Variants in STAU1 observed in about 807,000 individuals in gnomAD.
The protein encoded by STAU1 is double-stranded RNA-binding protein Staufen homolog 1.
A neutral mutation model predicts 62.9 loss-of-function variants in STAU1; 13 were observed. That is an observed-to-expected ratio of 0.21 (90% CI 0.13 to 0.33). The LOEUF (loss-of-function observed/expected upper bound fraction) is 0.33. Among genes scored for constraint, STAU1 ranks in the 10% least tolerant of loss-of-function variants. The pLI, the probability that STAU1 is intolerant of heterozygous loss-of-function variation, is 1.00. For missense variants in STAU1, 571 were observed against 712.1 expected (o/e 0.80, Z 2.25); for synonymous variants, 269 against 265.1 (o/e 1.01, Z -0.14).
At chr20:49,207,159 G>C in the STAU1 span, among the ~76,000 whole-genome samples, 1 of 151,988 alleles carries the variant, frequency 6.6e-6, no homozygotes. Context: ...CCAAGAATTT[G>C]AGGCTGCAGC....
At chr20:49,178,504 T>C (rs2093685911) in intron 1 of STAU1, among the ~76,000 whole-genome samples, 1 of 152,132 alleles carries the variant, frequency 6.6e-6, no homozygotes, top group South Asian at 2.1e-4. Flanking sequence ...ATCCCAACAC[T>C]TTGGGAGGCC....
the STAU1 span, among the ~76,000 whole-genome samples, chr20:49,196,457 AAAAG>A: frequency 3.0e-4 from 45 of 150,394 alleles, no homozygotes; most frequent in Middle Eastern, 3.4e-3. Context: ...AAAAAAAAAA[AAAAG>A]AAGAAGAAGA....
At position 49,121,669 on chromosome 20, in the gene STAU1, CAT is replaced by C. The variant is rs202125307; in HGVS notation, c.966+1421_966+1422del. Among the ~76,000 whole-genome samples, 1,114 of 152,258 alleles carry C rather than the reference CAT, an allele frequency of 7.3e-3. 44 individuals carry two copies. The highest frequency in any genetic ancestry group is 0.053 in the Admixed American group (812 of 15,296). On this transcript the variant is annotated intron_variant, in intron 8 of 13. Coordinates refer to ENST00000371856, the MANE Select transcript of STAU1 (RefSeq NM_017453.4). ...CTGTCAGTAAAATTTATAAAACACA[CAT>C]ATATGTCAGTATAATTTATAACACA... is the stretch of plus-strand genomic sequence containing the variant.
chr20:49,169,327 G>A (rs2093568112), intron 2 of STAU1, among the ~76,000 whole-genome samples: 1 of 152,000 alleles, frequency 6.6e-6, no homozygotes, highest in African/African-American at 2.4e-5. Flanking sequence ...GTGATGAATG[G>A]GGGAAAATAT....
At chr20:49,163,206 T>A (rs1483591706) in intron 3 of STAU1, among the ~76,000 whole-genome samples, 1 of 151,332 alleles carries the variant, frequency 6.6e-6, no homozygotes, top group East Asian at 1.9e-4. Context: ...AAAAAAAAAA[T>A]TGACACTGAC....
intron 5 of STAU1, among the ~76,000 whole-genome samples, chr20:49,139,675 G>A (rs572425238): frequency 6.6e-6 from 1 of 151,492 alleles, no homozygotes; most frequent in East Asian, 2.0e-4. Flanking sequence ...GCAGTGAGCT[G>A]AGATTATGCC....
At chr20:49,123,297 A>C in intron 7 of STAU1, 62 bp from the exon 8 acceptor site, 5 of 1,611,490 alleles carry the variant, frequency 3.1e-6, no homozygotes, top group Non-Finnish European at 4.2e-6. Context: ...TGGTCAACTC[A>C]GAGATCAGGA....
chr20:49,181,763 C>CAAAAAAAAAAAAAAAAAAAAAAAA (rs1309573018), intron 1 of STAU1, among the ~76,000 whole-genome samples: 2 of 66,702 alleles, frequency 3.0e-5, no homozygotes, highest in Non-Finnish European at 5.6e-5. Context: ...AAGACTATCT[C>CAAAAAAAAAAAAAAAAAAAAAAAA]AACAAAAAAA....
intron 4 of STAU1, among the ~76,000 whole-genome samples, chr20:49,152,504 TGTATTTTTA>T (rs1164901500): frequency 2.0e-5 from 3 of 151,736 alleles, no homozygotes; most frequent in Admixed American, 1.3e-4. Context: ...CCACCATGCC[TGTATTTTTA>T]GTATTTTTAG....
intron 1 of STAU1, among the ~76,000 whole-genome samples, chr20:49,175,835 T>C (rs1199626487): frequency 4.0e-4 from 46 of 116,142 alleles, no homozygotes; most frequent in African/African-American, 1.6e-3. Flanking sequence ...CTCGCTGTCG[T>C]CCAGGCTGGA....
intron 6 of STAU1, among the ~76,000 whole-genome samples, chr20:49,129,541 T>TTGGAGAG (rs2092707413): frequency 6.6e-6 from 1 of 151,722 alleles, no homozygotes; most frequent in African/African-American, 2.4e-5. Context: ...TACCCAAGTG[T>TTGGAGAG]TGGAGAGGAT....
the STAU1 span, among the ~76,000 whole-genome samples, chr20:49,216,367 A>G: frequency 6.6e-6 from 1 of 151,982 alleles, no homozygotes; most frequent in Non-Finnish European, 1.5e-5. Flanking sequence ...CTCTACTAAA[A>G]ATACAAAAAA....
chr20:49,151,838 C>T (rs1278978553), intron 4 of STAU1, 91 bp from the exon 5 acceptor site: 27 of 1,127,076 alleles, frequency 2.4e-5, no homozygotes, highest in Middle Eastern at 2.5e-4. Flanking sequence ...TCCTTCATCA[C>T]GATCCTACTC....
the STAU1 span, among the ~76,000 whole-genome samples, chr20:49,217,405 A>C: frequency 6.6e-6 from 1 of 152,168 alleles, no homozygotes; most frequent in South Asian, 2.1e-4. Context: ...TGAAGCTGAC[A>C]GTACCGTAAT....
chr20:49,140,134 C>T (rs8121561), intron 5 of STAU1, among the ~76,000 whole-genome samples: 2,047 of 151,100 alleles, frequency 0.014, 54 homozygotes, highest in African/African-American at 0.047. Flanking sequence ...TGCAGTGAGC[C>T]GAGATCACGC....
At chr20:49,182,614 G>A (rs1020092372) in intron 1 of STAU1, among the ~76,000 whole-genome samples, 2 of 152,156 alleles carry the variant, frequency 1.3e-5, no homozygotes, top group South Asian at 2.1e-4. Context: ...CGAGGTGGGC[G>A]GATCACAAGG....
chr20:49,120,273 A>G, intron 8 of STAU1, 145 bp from the exon 9 acceptor site: 1 of 871,940 alleles, frequency 1.1e-6, no homozygotes, highest in Non-Finnish European at 1.7e-6. Context: ...TGTCTCTGAG[A>G]GCTAATTATT....
intron 6 of STAU1, chr20:49,135,006 C>G (rs1600677768): frequency 9.4e-6 from 15 of 1,600,536 alleles, no homozygotes; most frequent in Middle Eastern, 2.3e-4. Flanking sequence ...CTTTCAGGAC[C>G]TGGACAGCGA....
chr20:49,157,010 G>A (rs2093369908), intron 3 of STAU1, among the ~76,000 whole-genome samples: 1 of 151,908 alleles, frequency 6.6e-6, no homozygotes. Context: ...CCGAGTAGCT[G>A]GGATTACAGG....
Sources: allele counts gnomAD v4.1 joint callset (sites outside exome capture counted in the v4.1 genomes callset), GRCh38; gene constraint gnomAD v4.1.1; transcripts MANE v1.5; gene names NCBI Gene and HGNC (gene_info 2026-07-23, HGNC 2026-07-21).